AK5: variants seen among roughly 807,000 people sequenced by gnomAD.
AK5 encodes the protein adenylate kinase isoenzyme 5.
In AK5, 27 loss-of-function variants were observed where a neutral mutation model predicts 69.5. The ratio of observed to expected loss-of-function variants is 0.39; its 90% CI spans 0.29 to 0.54. The LOEUF is 0.54. AK5 is among the 20% of genes least tolerant of loss of function. The probability of loss-of-function intolerance (pLI) is 0.71; values close to 1 mark genes in which losing one functional copy is unlikely to be tolerated. For synonymous variants in AK5, 260 were observed against 244.4 expected (o/e 1.06, Z -0.60); for missense variants, 531 against 700.4 (o/e 0.76, Z 2.73).
rs1647380298 is a variant in AK5 at position 77,378,383 on chromosome 1, A to T, written c.892-32598A>T. 5.3e-5 allele frequency among the ~76,000 whole-genome samples: 8 copies of T among 152,222 alleles called. No homozygotes were observed. The South Asian group carries it at 1.7e-3, about 32-fold the overall frequency. ...TGTTGCCCAGGCTGTATGCAATGGCACGATATCAGCTCACTGCAACCTCCG... is the reference window on the plus strand; with the variant it reads ...TGTTGCCCAGGCTGTATGCAATGGCTCGATATCAGCTCACTGCAACCTCCG... On this transcript the variant is annotated intron_variant, in intron 6 of 13. Transcript: ENST00000354567.
intron 6 of AK5, among the ~76,000 whole-genome samples, chr1:77,359,599 A>G (rs1477176142): frequency 6.6e-6 from 1 of 152,232 alleles, no homozygotes; most frequent in African/African-American, 2.4e-5. Context: ...CATAACAGTA[A>G]ACCAGCCAGC....
intron 5 of AK5, among the ~76,000 whole-genome samples, chr1:77,312,699 G>A (rs1660032047): frequency 6.6e-6 from 1 of 151,846 alleles, no homozygotes; most frequent in Non-Finnish European, 1.5e-5. Flanking sequence ...CAACCACAGA[G>A]CTGAGGTGTT....
At chr1:77,411,960 GC>G (rs1570525634) in intron 7 of AK5, among the ~76,000 whole-genome samples, 2 of 152,186 alleles carry the variant, frequency 1.3e-5, no homozygotes, top group East Asian at 3.9e-4. Flanking sequence ...TTGGCCTATT[GC>G]AAGAAAGATG....
At chr1:77,521,780 T>G in intron 11 of AK5, 47 bp from the exon 12 acceptor site, 2 of 1,410,432 alleles carry the variant, frequency 1.4e-6, no homozygotes, top group East Asian at 4.6e-5. Context: ...GTACTTCTAG[T>G]GTTCTGTGAA....
rs955019589 is a variant in AK5 at position 77,342,712 on chromosome 1, G to T, written c.891+2144G>T. On this transcript the variant is annotated intron_variant, in intron 6 of 13. Coordinates refer to ENST00000354567, the MANE Select transcript of AK5 (RefSeq NM_174858.3). ...TTAAAATATATTTGGTGACACTTCTGCTTTTAAAGATGAGTTAAATAATAA... is the reference window on the plus strand; with the variant it reads ...TTAAAATATATTTGGTGACACTTCTTCTTTTAAAGATGAGTTAAATAATAA... 4.6e-5 allele frequency among the ~76,000 whole-genome samples: 7 copies of T among 152,042 alleles called. No homozygotes were observed. In the South Asian group the frequency reaches 1.5e-3, roughly 32 times the overall value.
At chr1:77,444,305 AT>A (rs1557598259) in intron 8 of AK5, among the ~76,000 whole-genome samples, 91 of 78,508 alleles carry the variant, frequency 1.2e-3, no homozygotes, top group Middle Eastern at 7.4e-3. Flanking sequence ...TATATAGTAT[AT>A]ATACACAATA....
intron 12 of AK5, among the ~76,000 whole-genome samples, chr1:77,524,700 C>T (rs1320642050): frequency 6.6e-6 from 1 of 152,112 alleles, no homozygotes; most frequent in Non-Finnish European, 1.5e-5. Context: ...GCTGTCTTTT[C>T]ACTCTTTTGG....
chr1:77,368,833 A>G (rs1647067213), intron 6 of AK5, among the ~76,000 whole-genome samples: 1 of 152,092 alleles, frequency 6.6e-6, no homozygotes, highest in African/African-American at 2.4e-5. Flanking sequence ...GTTCAACCGG[A>G]ATATATAATC....
At chr1:77,321,335 T>A (rs899750628) in intron 5 of AK5, among the ~76,000 whole-genome samples, 1 of 151,922 alleles carries the variant, frequency 6.6e-6, no homozygotes, top group African/African-American at 2.4e-5. Context: ...CCAGGTGCGG[T>A]GGTGCCGCCT....
chr1:77,321,620 A>G (rs1660539030), intron 5 of AK5, among the ~76,000 whole-genome samples: 1 of 152,350 alleles, frequency 6.6e-6, no homozygotes, highest in South Asian at 2.1e-4. Context: ...AATAGGGAGC[A>G]TCTACAAAAA....
chr1:77,309,834 G>A (rs1171355612), intron 5 of AK5, among the ~76,000 whole-genome samples: 1 of 151,978 alleles, frequency 6.6e-6, no homozygotes, highest in Non-Finnish European at 1.5e-5. Flanking sequence ...TTTTAAAATC[G>A]ATTTGGATGT....
intron 1 of AK5, chr1:77,283,322 G>A: frequency 1.0e-6 from 1 of 985,396 alleles, no homozygotes; most frequent in Non-Finnish European, 1.2e-6. Context: ...ATAGAAGCAA[G>A]CCAGGCTTCC....
intron 13 of AK5, among the ~76,000 whole-genome samples, chr1:77,553,190 G>A (rs1410326457): frequency 6.6e-6 from 1 of 152,208 alleles, no homozygotes; most frequent in Non-Finnish European, 1.5e-5. Flanking sequence ...AGTAGTATTG[G>A]TTGCAGAAGA....
intron 2 of AK5, among the ~76,000 whole-genome samples, chr1:77,289,088 A>T (rs530102979): frequency 6.6e-6 from 1 of 152,218 alleles, no homozygotes; most frequent in East Asian, 1.9e-4. Flanking sequence ...TGGTTTGATA[A>T]CCAAGATGAG....
At chr1:77,293,073 A>G (rs1343164216) in intron 2 of AK5, among the ~76,000 whole-genome samples, 1 of 152,216 alleles carries the variant, frequency 6.6e-6, no homozygotes, top group East Asian at 1.9e-4. Context: ...AAACTTTTAC[A>G]TCTTTTAATC....
intron 10 of AK5, among the ~76,000 whole-genome samples, chr1:77,517,315 C>T (rs951736561): frequency 2.0e-5 from 3 of 152,212 alleles, no homozygotes; most frequent in African/African-American, 2.4e-5. Flanking sequence ...GATTGCCATA[C>T]GCCAGGCGGA....
At chr1:77,367,579 A>ATGTT (rs71075732) in intron 6 of AK5, among the ~76,000 whole-genome samples, 31,321 of 53,314 alleles carry the variant, frequency 0.59, 10,112 homozygotes, top group East Asian at 0.77. Context: ...ATATATATAT[A>ATGTT]ATATATATGT....
intron 6 of AK5, among the ~76,000 whole-genome samples, chr1:77,367,606 A>G (rs1646988997): frequency 1.1e-5 from 1 of 95,100 alleles, no homozygotes; most frequent in African/African-American, 4.7e-5. Context: ...TGTAATATAT[A>G]TGTAATATAT....
In AK5 at chr1:77,510,768, T is replaced by C. The variant is rs114742482; in HGVS notation, c.1148-7796T>C. Among the ~76,000 whole-genome samples, 522 of 152,156 alleles carry C rather than the reference T, an allele frequency of 3.4e-3. 7 individuals carry two copies. The highest frequency in any genetic ancestry group is 0.012 in the African/African-American group (496 of 41,532). On this transcript the variant is annotated intron_variant, in intron 10 of 13. Coordinates refer to ENST00000354567, the MANE Select transcript of AK5 (RefSeq NM_174858.3). ...TGCTATTATAAAGTGTCTATTATAT[T>C]TCAGGCACTGTGTTTGTGCACCATG...
Sources: gnomAD v4.1 joint callset for allele counts (sites outside exome capture counted in the v4.1 genomes callset) on GRCh38, gnomAD v4.1.1 for gene constraint, MANE v1.5 for transcripts, NCBI Gene and HGNC (gene_info 2026-07-23, HGNC 2026-07-21) for gene names.